FAM83H: variants seen among roughly 807,000 people sequenced by gnomAD.
FAM83H encodes protein FAM83H.
Under a neutral mutation model 30.2 loss-of-function variants are expected in FAM83H, and 24 were observed. The observed-to-expected ratio is 0.79, with a 90% CI of 0.57 to 1.12. The LOEUF is 1.12. Ranked by LOEUF, FAM83H falls within the 50% of genes most tolerant of loss-of-function variation. The pLI is 0.00. For missense variants in FAM83H, 2,038 were observed against 1,773.9 expected (o/e 1.15, Z -2.67); for synonymous variants, 1,013 against 821.7 (o/e 1.23, Z -3.98).
rs1818272611 is a variant in FAM83H at position 143,725,951 on chromosome 8, C to G, written c.3510G>C (p.Lys1170Asn). ...RDSKVGKFVP[K>N]ILGTFKSKK Reference sequence around the variant, plus strand: ...TCTTGCTTTTGAACGTGCCCAGGATCTTGGGCACGAACTTGCCCACCTTGC... The same window carrying G: ...TCTTGCTTTTGAACGTGCCCAGGATGTTGGGCACGAACTTGCCCACCTTGC... The change falls in exon 5 of 5, where the codon AAG becomes AAC. Residue 1170 changes from lysine (K) to asparagine (N), a missense_variant. Physicochemically the swap from Lys to Asn is moderately conservative, Grantham distance 94. Coordinates refer to ENST00000388913, the MANE Select transcript of FAM83H (RefSeq NM_198488.5). 1.2e-6 allele frequency: 2 copies of G among 1,613,022 alleles called. No individual in the cohort carries two copies. Among genetic ancestry groups the G allele is most frequent in the Non-Finnish European group, 1.7e-6 (2 of 1,179,978 alleles).
chr8:143,725,931 C>T lies in FAM83H; in HGVS notation c.3530G>A (p.Ser1177Asn), dbSNP rs1351277642. Residue 1177 changes from serine to asparagine, a missense_variant, in exon 5 of 5, where the codon AGC becomes AAC. Coordinates refer to ENST00000388913, the MANE Select transcript of FAM83H (RefSeq NM_198488.5). ...FVPKILGTFK[S>N]KK ...GCCAGGCCAGAAGACTCACTTCTTGCTTTTGAACGTGCCCAGGATCTTGGG... is the reference window on the plus strand; with the variant it reads ...GCCAGGCCAGAAGACTCACTTCTTGTTTTTGAACGTGCCCAGGATCTTGGG... 8.7e-6 allele frequency: 14 copies of T among 1,612,816 alleles called. No individual in the cohort carries two copies. Among genetic ancestry groups the T allele is most frequent in the Non-Finnish European group, 1.2e-5 (14 of 1,179,942 alleles).
Position 143,726,156 on chromosome 8 carries a change from T to C in FAM83H, c.3305A>G (p.Gln1102Arg). 1 of 1,611,884 alleles carries C rather than the reference T, an allele frequency of 6.2e-7. No homozygotes were observed. The highest frequency in any genetic ancestry group is 1.1e-5 in the South Asian group (1 of 90,958). ...TGGCAGCGTGCGGCTCAGCCGGCCC[T>C]GGGTCCCCAAGCTGTCCGAGCGGAA... The part of the protein sequence containing the change: ...AIFRSDSLGT[Q>R]GRLSRTLPAS... The change falls in exon 5 of 5, where the codon CAG becomes CGG. Residue 1102 changes from glutamine (Q) to arginine (R), a missense_variant. Physicochemically the swap from Gln to Arg is conservative, Grantham distance 43 (BLOSUM62 1). Transcript: ENST00000388913.
In FAM83H at chr8:143,727,452, G is replaced by A. The variant is rs782284232; in HGVS notation, c.2009C>T (p.Ser670Leu). 5.7e-5 allele frequency: 89 copies of A among 1,569,434 alleles called. No homozygotes were observed. The highest frequency in any genetic ancestry group is 6.8e-5 in the Non-Finnish European group (79 of 1,165,236). Reference sequence around the variant, plus strand: ...GCGCTGGACCAGGGGGTTCAGGCGCGAGCGGAATGAGTCCTGCTTGGCCAG... The same window carrying A: ...GCGCTGGACCAGGGGGTTCAGGCGCAAGCGGAATGAGTCCTGCTTGGCCAG... ...PGLAKQDSFRSRLNPLVQRSS... is the reference protein window; with the variant it reads ...PGLAKQDSFRLRLNPLVQRSS... Residue 670 changes from serine (S) to leucine (L), a missense_variant, in exon 5 of 5, where the codon TCG becomes TTG. Ser to Leu is a moderately radical substitution (Grantham distance 145). Coordinates refer to ENST00000388913, the MANE Select transcript of FAM83H (RefSeq NM_198488.5).
Position 143,729,090 on chromosome 8 carries a change from A to G in FAM83H, c.614T>C (p.Phe205Ser), listed in dbSNP as rs892754238. The change falls in exon 4 of 5, where the codon TTC (phenylalanine) becomes TCC (serine). Residue 205 changes from phenylalanine (F) to serine (S), a missense_variant and splice_region_variant. Transcript: ENST00000388913. ...GCCCGCCACAGTCCGTACGCGCAGG[A>G]ACTGGGGAGGGAGGGGAGTCAGATC... ...KCRVNLQHVD[F>S]LRVRTVAGPT... 1 of 1,613,664 alleles carries G rather than the reference A, an allele frequency of 6.2e-7. No individual in the cohort carries two copies. Among genetic ancestry groups the G allele is most frequent in the Non-Finnish European group, 8.5e-7 (1 of 1,179,986 alleles).
Position 143,727,386 on chromosome 8 carries a change from T to G in FAM83H, c.2075A>C (p.Gln692Pro). Residue 692 changes from glutamine to proline, a missense_variant, in exon 5 of 5, where the codon CAG (glutamine) becomes CCG (proline). Coordinates refer to ENST00000388913, the MANE Select transcript of FAM83H (RefSeq NM_198488.5). ...LRSSLIFSTS[Q>P]AEGAAGAAAA... Reference sequence around the variant, plus strand: ...CGCAGCCCCGGCCGCGCCCTCGGCCTGTGACGTGCTGAAGATGAGCGAGGA... The same window carrying G: ...CGCAGCCCCGGCCGCGCCCTCGGCCGGTGACGTGCTGAAGATGAGCGAGGA... 3.7e-5 allele frequency: 58 copies of G among 1,572,590 alleles called. No individual in the cohort carries two copies. Among genetic ancestry groups the G allele is most frequent in the Non-Finnish European group, 4.9e-5 (57 of 1,167,788 alleles).
chr8:143,727,380 T>C lies in FAM83H; in HGVS notation c.2081A>G (p.Glu694Gly). The C allele has an allele frequency of 6.4e-7, 1 of 1,572,026 alleles. No homozygotes were observed. Among genetic ancestry groups the C allele is most frequent in the South Asian group, 1.1e-5 (1 of 87,736 alleles). ...GGCCGCCGCAGCCCCGGCCGCGCCC[T>C]CGGCCTGTGACGTGCTGAAGATGAG... is the stretch of plus-strand genomic sequence containing the variant. Reference protein sequence around the residue: ...SSLIFSTSQAEGAAGAAAATE... With the variant: ...SSLIFSTSQAGGAAGAAAATE... The change falls in exon 5 of 5, where the codon GAG (glutamate) becomes GGG (glycine). Residue 694 changes from glutamate to glycine, a missense_variant. Transcript: ENST00000388913.
At chr8:143,732,089 C>T (rs376322502) in intron 1 of FAM83H, 9 of 985,392 alleles carry the variant, frequency 9.1e-6, no homozygotes, top group East Asian at 1.1e-4. Context: ...GGATGGATGC[C>T]GGCCAGCTGG....
In FAM83H at chr8:143,729,103, G is replaced by A. The variant is rs782812868; in HGVS notation, c.613-12C>T. ...CGTACGCGCAGGAACTGGGGAGGGA[G>A]GGGAGTCAGATCTCTCCCACGGGTC... On this transcript the variant is annotated splice_polypyrimidine_tract_variant and intron_variant, in intron 3 of 4. Coordinates refer to ENST00000388913, the MANE Select transcript of FAM83H (RefSeq NM_198488.5). The A allele has an allele frequency of 6.2e-7, 1 of 1,613,634 alleles. No individual in the cohort carries two copies. Among genetic ancestry groups the A allele is most frequent in the Non-Finnish European group, 8.5e-7 (1 of 1,180,002 alleles).
intron 1 of FAM83H, chr8:143,731,389 G>T: frequency 7.1e-6 from 7 of 985,312 alleles, no homozygotes; most frequent in Non-Finnish European, 8.4e-6. Flanking sequence ...CCCAAGGTGA[G>T]CGCAGCAAAC....
intron 1 of FAM83H, 57 bp from the exon 2 acceptor site, chr8:143,730,654 C>A: frequency 8.1e-7 from 1 of 1,232,142 alleles, no homozygotes; most frequent in Non-Finnish European, 1.1e-6. Flanking sequence ...CACTCCTACC[C>A]TCGAGCATGG....
chr8:143,727,246 C>T lies in FAM83H; in HGVS notation c.2215G>A (p.Glu739Lys). The part of the protein sequence containing the change: ...AASTKVAELL[E>K]KYKGPARDPG... ...TCACGGGCTGGGCCCTTGTACTTCTCCAGCAGCTCCGCCACCTTGGTGGAA... is the reference window on the plus strand; with the variant it reads ...TCACGGGCTGGGCCCTTGTACTTCTTCAGCAGCTCCGCCACCTTGGTGGAA... Residue 739 changes from glutamate (E) to lysine (K), a missense_variant, in exon 5 of 5, where the codon GAG (glutamate) becomes AAG (lysine). By Grantham distance (56) the Glu-to-Lys change is moderately conservative. Coordinates refer to ENST00000388913, the MANE Select transcript of FAM83H (RefSeq NM_198488.5). 6.5e-7 allele frequency: 1 copy of T among 1,534,836 alleles called. No homozygotes were observed. Among genetic ancestry groups the T allele is most frequent in the Non-Finnish European group, 8.7e-7 (1 of 1,146,134 alleles).
Position 143,728,345 on chromosome 8 carries a change from C to G in FAM83H, c.1116G>C (p.Gly372=). The change falls in exon 5 of 5, where the codon GGG becomes GGC. Residue 372 remains glycine (G), a synonymous_variant. Transcript: ENST00000388913. The stretch of plus-strand genomic sequence containing the variant: ...CCAGGCGCCGCGAGAGCGGCCGCAG[C>G]CCCGCGTGCGGTTCCAGCGCGCCCC... ...MPGGALEPHA[G]LRPLSRRLEA... is the part of the protein sequence containing the mutation. 1 of 1,510,564 alleles carries G rather than the reference C, an allele frequency of 6.6e-7. No individual in the cohort carries two copies. The highest frequency in any genetic ancestry group is 8.8e-7 in the Non-Finnish European group (1 of 1,130,098). The allele number at this position is 1,510,564 out of a possible 1,614,324, so 93.6% of individuals were successfully genotyped here.
rs781924646 is a variant in FAM83H, at chr8:143,726,840, G to A, written c.2621C>T (p.Ala874Val). ...GGGGCTCCCCTTCCGCTCAGGGTAA[G>A]CCGAGGTGGGGCTCCCTTTTGACTC... ...HNESKGSPTS[A>V]YPERKGSPTP... Residue 874 changes from alanine (A) to valine (V), a missense_variant, in exon 5 of 5, where the codon GCT (alanine) becomes GTT (valine). Transcript: ENST00000388913. 5.0e-6 allele frequency: 8 copies of A among 1,612,876 alleles called. No individual in the cohort carries two copies. In the African/African-American group the frequency reaches 9.3e-5, roughly 19 times the overall value.
At position 143,727,283 on chromosome 8, in the gene FAM83H, C is replaced by T. The variant is rs781862953; in HGVS notation, c.2178G>A (p.Val726=). The change falls in exon 5 of 5, where the codon GTG becomes GTA. Residue 726 remains valine (V), a synonymous_variant. Coordinates refer to ENST00000388913, the MANE Select transcript of FAM83H (RefSeq NM_198488.5). ...SETLGPGGEA[V]RSAASTKVAE... is the part of the protein sequence containing the mutation. ...CCACCTTGGTGGAAGCCGCGGAGCG[C>T]ACGGCCTCTCCGCCGGGCCCCAGCG... is the stretch of plus-strand genomic sequence containing the variant. 1 of 1,536,444 alleles carries T rather than the reference C, an allele frequency of 6.5e-7. No homozygotes were observed. The highest frequency in any genetic ancestry group is 1.2e-5 in the South Asian group (1 of 84,202).
rs370721345 is a variant in FAM83H at position 143,728,163 on chromosome 8, G to A, written c.1298C>T (p.Thr433Met). 1.9e-6 allele frequency: 3 copies of A among 1,607,664 alleles called. No individual in the cohort carries two copies. The highest frequency in any genetic ancestry group is 1.3e-5 in the African/African-American group (1 of 74,906). ...FAAARQVSRQTFLSHGDDFRF... is the reference protein window; with the variant it reads ...FAAARQVSRQMFLSHGDDFRF... ...GAAGTCGTCGCCGTGGCTGAGGAACGTCTGCCGCGACACCTGCCGCGCGGC... is the reference window on the plus strand; with the variant it reads ...GAAGTCGTCGCCGTGGCTGAGGAACATCTGCCGCGACACCTGCCGCGCGGC... Residue 433 changes from threonine (T) to methionine (M), a missense_variant, in exon 5 of 5, where the codon ACG becomes ATG. Transcript: ENST00000388913.
rs1554623192 is a variant in FAM83H, at chr8:143,728,186, G to A, written c.1275C>T (p.Ala425=). The A allele has an allele frequency of 5.0e-6, 8 of 1,605,472 alleles. No homozygotes were observed. Among genetic ancestry groups the A allele is most frequent in the African/African-American group, 1.3e-5 (1 of 74,732 alleles). ...ACGTCTGCCGCGACACCTGCCGCGC[G>A]GCCGCGAAGTTCTCCACGGCGCCCG... ...EGAGAVENFA[A]ARQVSRQTFL... Residue 425 remains alanine (A), a synonymous_variant, in exon 5 of 5, where the codon GCC becomes GCT. Transcript: ENST00000388913.
At chr8:143,731,236 T>C in intron 1 of FAM83H, 3 of 526,698 alleles carry the variant, frequency 5.7e-6, no homozygotes, top group Non-Finnish European at 7.3e-6. Context: ...CCTGGCACTG[T>C]GCCTACTGGA....
At chr8:143,732,179 G>T in intron 1 of FAM83H, 1 of 985,416 alleles carries the variant, frequency 1.0e-6, no homozygotes, top group South Asian at 4.7e-5. Flanking sequence ...TGCCCCTGGG[G>T]GTGACATGGA....
At chr8:143,732,908 G>C (rs1818578188) in intron 1 of FAM83H, among the ~76,000 whole-genome samples, 1 of 151,936 alleles carries the variant, frequency 6.6e-6, no homozygotes, top group Admixed American at 6.5e-5. Context: ...AGGGCCCTCA[G>C]CTGGCCTTCA....
Sources: gnomAD v4.1 joint callset for allele counts (sites outside exome capture counted in the v4.1 genomes callset) on GRCh38, gnomAD v4.1.1 for gene constraint, MANE v1.5 for transcripts, NCBI Gene and HGNC (gene_info 2026-07-23, HGNC 2026-07-21) for gene names.